The following COMMD1 variants were observed in gnomAD, a reference collection of about 807,000 sequenced individuals.
The protein encoded by COMMD1 is COMM domain-containing protein 1.
Under a neutral mutation model 17.2 loss-of-function variants are expected in COMMD1, and 10 were observed. The observed-to-expected ratio is 0.58, with a 90% CI of 0.36 to 0.99. The LOEUF is 0.99. COMMD1 is among the 50% of genes least tolerant of loss of function. COMMD1 has a pLI of 0.01. For missense variants in COMMD1, 270 were observed against 231.8 expected (o/e 1.17, Z -1.07); for synonymous variants, 97 against 91.6 (o/e 1.06, Z -0.34).
At chr2:61,945,770 G>C (rs907796433) in intron 1 of COMMD1, among the ~76,000 whole-genome samples, 1 of 152,164 alleles carries the variant, frequency 6.6e-6, no homozygotes, top group African/African-American at 2.4e-5. Flanking sequence ...CGAAGTGGGG[G>C]CTTCCAGGTC....
At chr2:61,913,366 CAAAAAAA>C (rs767142777) in intron 1 of COMMD1, among the ~76,000 whole-genome samples, 27 of 41,996 alleles carry the variant, frequency 6.4e-4, no homozygotes, top group African/African-American at 2.2e-3. Context: ...GACTCCATCT[CAAAAAAA>C]AAAAAAAAAA....
Position 61,979,287 on chromosome 2 carries a change from T to C in COMMD1, c.181-21414T>C, listed in dbSNP as rs571754542. On this transcript the variant is annotated intron_variant, in intron 1 of 2. Coordinates refer to ENST00000311832, the MANE Select transcript of COMMD1 (RefSeq NM_152516.4). ...AGGTCAGGGGTTCGAGATCAGCCTG[T>C]CCAACATGGTGAAACCCCGTCTCTA... Among the ~76,000 whole-genome samples, 18 of 152,044 alleles carry C rather than the reference T, an allele frequency of 1.2e-4. No individual in the cohort carries two copies. The East Asian group carries it at 3.3e-3, about 28-fold the overall frequency.
At position 62,043,053 on chromosome 2, in the gene COMMD1, C is replaced by T. The variant is rs116104901; in HGVS notation, c.462+42071C>T. Among the ~76,000 whole-genome samples the T allele has an allele frequency of 4.4e-3, 674 of 152,296 alleles. 9 individuals are homozygous for T. The highest frequency in any genetic ancestry group is 0.016 in the African/African-American group (645 of 41,564). ...AACTCTGAGTCTACAGTCTTTCACC[C>T]GCTAAATACACATTGTTTTATTCAA... On this transcript the variant is annotated intron_variant, in intron 2 of 2. Coordinates refer to ENST00000311832, the MANE Select transcript of COMMD1 (RefSeq NM_152516.4).
chr2:62,062,012 A>T (rs1253016807), intron 2 of COMMD1, among the ~76,000 whole-genome samples: 2 of 151,702 alleles, frequency 1.3e-5, no homozygotes, highest in African/African-American at 4.8e-5. Flanking sequence ...AGAAACAAAA[A>T]AACCATAAAA....
At chr2:62,050,604 T>A in intron 2 of COMMD1, among the ~76,000 whole-genome samples, 1 of 152,188 alleles carries the variant, frequency 6.6e-6, no homozygotes, top group East Asian at 1.9e-4. Context: ...AGGAAAGAAT[T>A]TTTTACTCCT....
At chr2:62,095,674 G>GCTA (rs1486617538) in intron 2 of COMMD1, among the ~76,000 whole-genome samples, 1 of 150,862 alleles carries the variant, frequency 6.6e-6, no homozygotes, top group African/African-American at 2.4e-5. Context: ...AGAATCCCTT[G>GCTA]CTACTGTTAG....
At chr2:61,911,594 A>G (rs1344786239) in intron 1 of COMMD1, among the ~76,000 whole-genome samples, 2 of 152,190 alleles carry the variant, frequency 1.3e-5, no homozygotes, top group African/African-American at 4.8e-5. Flanking sequence ...TCAGTCTCCC[A>G]AAGTGCTGAG....
chr2:62,111,456 C>CT (rs1411114128), intron 2 of COMMD1, among the ~76,000 whole-genome samples: 1 of 152,132 alleles, frequency 6.6e-6, no homozygotes, highest in Non-Finnish European at 1.5e-5. Flanking sequence ...TGGTAATAGA[C>CT]TGAGGGGGGA....
chr2:62,042,546 C>G (rs1314349288), intron 2 of COMMD1, among the ~76,000 whole-genome samples: 4 of 152,168 alleles, frequency 2.6e-5, no homozygotes, highest in Non-Finnish European at 5.9e-5. Context: ...CCACTGAGCC[C>G]GTGCCCACCC....
chr2:61,920,452 T>C (rs1670161227), intron 1 of COMMD1, among the ~76,000 whole-genome samples: 1 of 151,712 alleles, frequency 6.6e-6, no homozygotes, highest in African/African-American at 2.4e-5. Flanking sequence ...TTCTGGAGAC[T>C]CTCCCACACT....
At chr2:61,923,549 A>G (rs867350521) in intron 1 of COMMD1, among the ~76,000 whole-genome samples, 5 of 152,112 alleles carry the variant, frequency 3.3e-5, no homozygotes, top group Middle Eastern at 6.8e-3. Flanking sequence ...AAGGGGTTCT[A>G]TATAGGAAGA....
At chr2:61,986,147 G>T (rs150923450) in intron 1 of COMMD1, among the ~76,000 whole-genome samples, 3 of 151,534 alleles carry the variant, frequency 2.0e-5, no homozygotes, top group South Asian at 2.1e-4. Context: ...TACTATTCTG[G>T]TATAAAGTTT....
chr2:61,957,171 G>A (rs545558955), intron 1 of COMMD1, among the ~76,000 whole-genome samples: 33 of 151,920 alleles, frequency 2.2e-4, no homozygotes, highest in African/African-American at 7.7e-4. Context: ...GAATGCAGTG[G>A]GGTGTTTATA....
At position 61,940,218 on chromosome 2, in the gene COMMD1, A is replaced by G. The variant is rs566275090; in HGVS notation, c.180+34360A>G. ...CCCCTATATTTTGTGGGCTAAGGCAATCTTTCTAGTTCCCATTTAGTAAGT... is the reference window on the plus strand; with the variant it reads ...CCCCTATATTTTGTGGGCTAAGGCAGTCTTTCTAGTTCCCATTTAGTAAGT... On this transcript the variant is annotated intron_variant, in intron 1 of 2. Coordinates refer to ENST00000311832, the MANE Select transcript of COMMD1 (RefSeq NM_152516.4). Among the ~76,000 whole-genome samples, 41 of 152,286 alleles carry G rather than the reference A, an allele frequency of 2.7e-4. 1 individual carries two copies. Among genetic ancestry groups the G allele is most frequent in the Admixed American group, 7.9e-4 (12 of 15,286 alleles).
chr2:62,023,398 G>T (rs1472882539), intron 2 of COMMD1, among the ~76,000 whole-genome samples: 1 of 152,052 alleles, frequency 6.6e-6, no homozygotes, highest in East Asian at 1.9e-4. Context: ...TGTGTGTATT[G>T]TGAGGAAGAA....
intron 2 of COMMD1, among the ~76,000 whole-genome samples, chr2:62,124,528 T>A (rs1159798342): frequency 6.6e-6 from 1 of 152,018 alleles, no homozygotes; most frequent in Non-Finnish European, 1.5e-5. Context: ...TATTTTATTT[T>A]AAAAATGCCT....
chr2:62,002,519 AAAAAAG>A (rs1668977718), intron 2 of COMMD1, among the ~76,000 whole-genome samples: 2 of 149,090 alleles, frequency 1.3e-5, no homozygotes, highest in African/African-American at 5.0e-5. Context: ...AAAAAAAAAA[AAAAAAG>A]ATAATTCATT....
intron 1 of COMMD1, among the ~76,000 whole-genome samples, chr2:61,985,096 G>T (rs1335477096): frequency 6.7e-6 from 1 of 149,918 alleles, no homozygotes; most frequent in African/African-American, 2.5e-5. Flanking sequence ...TGTCGCCCAG[G>T]CTGGAGTGCG....
In COMMD1 at chr2:61,888,751, G is replaced by C. The variant is rs916566174; in HGVS notation, n.28G>C. 98 of 534,356 alleles carry C rather than the reference G, an allele frequency of 1.8e-4. 1 individual carries two copies. The East Asian group carries it at 3.0e-3, about 17-fold the overall frequency. The allele number at this position is 534,356 out of a possible 1,614,324, so 33.1% of individuals were successfully genotyped here. ...TGCGTGCGGTGGGCTCCGGGCTGGC[G>C]AGATTGTACGCCCGGGGCGCTGTGG... On this transcript the variant is annotated non_coding_transcript_exon_variant, in exon 1 of 3. Coordinates refer to the COMMD1 transcript ENST00000472729.
Sources: allele counts gnomAD v4.1 joint callset (sites outside exome capture counted in the v4.1 genomes callset), GRCh38; gene constraint gnomAD v4.1.1; transcripts MANE v1.5; gene names NCBI Gene and HGNC (gene_info 2026-07-23, HGNC 2026-07-21).